TSPEAR: variants seen among roughly 807,000 people sequenced by gnomAD.
TSPEAR encodes the protein thrombospondin type laminin G domain and EAR repeats.
A neutral mutation model predicts 71.6 loss-of-function variants in TSPEAR; 69 were observed. That is an observed-to-expected ratio of 0.96 (90% confidence interval 0.79 to 1.18). TSPEAR has a LOEUF of 1.18. Among genes scored for constraint, TSPEAR ranks in the 50% most tolerant of loss-of-function variants. The probability of loss-of-function intolerance (pLI) is 0.00; values close to 1 mark genes in which losing one functional copy is unlikely to be tolerated. For synonymous variants in TSPEAR, 402 were observed against 387.2 expected, an observed-to-expected ratio of 1.04 and a Z score of -0.45; for missense variants, 971 against 894.9, an observed-to-expected ratio of 1.09 and a Z score of -1.09.
intron 1 of TSPEAR, chr21:44,580,331 G>A (rs587669303): frequency 4.1e-5 from 66 of 1,614,022 alleles, no homozygotes; most frequent in Non-Finnish European, 5.6e-5. Flanking sequence ...CTGCTGGCAG[G>A]GGGAGGAGGC....
In TSPEAR at chr21:44,574,359, A is replaced by T; in HGVS notation, c.83-6354T>A. 7 of 1,603,748 alleles carry T rather than the reference A, an allele frequency of 4.4e-6. No homozygotes were observed. Among genetic ancestry groups the T allele is most frequent in the Non-Finnish European group, 5.9e-6 (7 of 1,177,360 alleles). ...GCCCAGCCCCTGCCAATCAGGCTGC[A>T]TCAGCTCCTGCACGCCCTCGTGCTG... On this transcript the variant is annotated intron_variant, in intron 1 of 11. Coordinates refer to ENST00000323084, the MANE Select transcript of TSPEAR (RefSeq NM_144991.3).
chr21:44,667,483 C>A (rs1316454916), intron 1 of TSPEAR, among the ~76,000 whole-genome samples: 2 of 152,180 alleles, frequency 1.3e-5, no homozygotes, highest in Non-Finnish European at 2.9e-5. Flanking sequence ...GACCATGGAT[C>A]TTTGTCTTGA....
Position 44,702,306 on chromosome 21 carries a change from T to C in TSPEAR, c.82+9127A>G, listed in dbSNP as rs868917509. 37 of 1,609,884 alleles carry C rather than the reference T, an allele frequency of 2.3e-5. No homozygotes were observed. In the African/African-American group the frequency reaches 3.2e-4, roughly 14 times the overall value. On this transcript the variant is annotated intron_variant, in intron 1 of 11. Transcript: ENST00000323084. Reference sequence around the variant, plus strand: ...CCCCCTGCTGCGCCGCCAGCTGCTGTGCCCCGGCCCCCTGCCTGACCCTGG... The same window carrying C: ...CCCCCTGCTGCGCCGCCAGCTGCTGCGCCCCGGCCCCCTGCCTGACCCTGG...
chr21:44,648,708 C>T (rs888113818), intron 1 of TSPEAR, among the ~76,000 whole-genome samples: 1 of 152,186 alleles, frequency 6.6e-6, no homozygotes, highest in African/African-American at 2.4e-5. Flanking sequence ...CCGCAGCCTC[C>T]AGGGCACCAG....
intron 1 of TSPEAR, among the ~76,000 whole-genome samples, chr21:44,673,513 G>A (rs1463921724): frequency 6.6e-6 from 1 of 152,080 alleles, no homozygotes; most frequent in Non-Finnish European, 1.5e-5. Flanking sequence ...AATAGTTGAG[G>A]ACTTCAACAC....
In TSPEAR at chr21:44,499,048, G is replaced by GA. The variant is rs1349136458; in HGVS notation, c.*734dup. 6.6e-6 allele frequency: 1 copy of GA among 152,274 alleles called. No individual in the cohort carries two copies. The highest frequency in any genetic ancestry group is 6.5e-5 in the Admixed American group (1 of 15,284). The allele number at this position is 152,274 out of a possible 1,614,324, so 9.4% of individuals were successfully genotyped here. On this transcript the variant is annotated 3_prime_UTR_variant, in exon 12 of 12. Coordinates refer to ENST00000323084, the MANE Select transcript of TSPEAR (RefSeq NM_144991.3). The stretch of plus-strand genomic sequence containing the variant: ...CAGCCTGAGTCCCAGTCAGCTGGAG[G>GA]ACATGTGATTAAAATGCTGCTGAAT...
intron 9 of TSPEAR, among the ~76,000 whole-genome samples, chr21:44,514,496 G>A (rs1178536237): frequency 6.6e-6 from 1 of 152,208 alleles, no homozygotes; most frequent in Non-Finnish European, 1.5e-5. Context: ...GGCTGCTGCT[G>A]GCCTTGTGAG....
chr21:44,534,692 T>C (rs1439859793), intron 2 of TSPEAR, among the ~76,000 whole-genome samples: 1 of 152,108 alleles, frequency 6.6e-6, no homozygotes, highest in Non-Finnish European at 1.5e-5. Flanking sequence ...TTGGTGGGAA[T>C]GTAAAATGGT....
At chr21:44,551,386 T>C (rs782030252) in intron 2 of TSPEAR, 2 of 1,613,262 alleles carry the variant, frequency 1.2e-6, no homozygotes, top group Admixed American at 3.3e-5. Flanking sequence ...TCACAGCAGC[T>C]CTCTGGGCAG....
intron 1 of TSPEAR, among the ~76,000 whole-genome samples, chr21:44,672,342 G>A (rs56211540): frequency 0.039 from 6,004 of 152,222 alleles, 130 homozygotes; most frequent in Middle Eastern, 0.082. Context: ...AGGCTAAGGC[G>A]GGCGGATCAC....
chr21:44,637,407 C>A (rs200886500), intron 1 of TSPEAR: 1 of 1,596,120 alleles, frequency 6.3e-7, no homozygotes, highest in South Asian at 1.2e-5. Context: ...TCACCGCCTC[C>A]CCACTCCAGC....
intron 5 of TSPEAR, 130 bp downstream of exon 5, chr21:44,529,668 C>CCCCG: frequency 9.5e-7 from 1 of 1,048,408 alleles, no homozygotes; most frequent in Non-Finnish European, 1.4e-6. Context: ...GACCGCTGCC[C>CCCCG]CCCGTAGCAG....
intron 1 of TSPEAR, among the ~76,000 whole-genome samples, chr21:44,628,634 T>C (rs62219767): frequency 0.78 from 117,316 of 150,902 alleles, 46,041 homozygotes; most frequent in African/African-American, 0.89. Context: ...CTCAGGCTAA[T>C]GCCCCACTCA....
chr21:44,529,755 C>T (rs782128043), intron 5 of TSPEAR, 43 bp downstream of exon 5: 16 of 1,609,724 alleles, frequency 9.9e-6, no homozygotes, highest in South Asian at 2.2e-5. Context: ...CCAGGGCTCT[C>T]GCATCTGCCT....
rs587692565 is a variant in TSPEAR at position 44,597,770 on chromosome 21, G to A, written c.83-29765C>T. Among the ~76,000 whole-genome samples the A allele has an allele frequency of 7.2e-5, 11 of 152,162 alleles. No individual in the cohort carries two copies. The East Asian group carries it at 2.1e-3, about 29-fold the overall frequency. The stretch of plus-strand genomic sequence containing the variant: ...ATTCAGGCTCTGTATCTTGTAAGCA[G>A]CATGTAGTTAGGTTTTCTACTTTTT... On this transcript the variant is annotated intron_variant, in intron 1 of 11. Transcript: ENST00000323084.
chr21:44,589,908 G>A (rs1440610313), intron 1 of TSPEAR, among the ~76,000 whole-genome samples: 3 of 152,242 alleles, frequency 2.0e-5, no homozygotes, highest in East Asian at 1.9e-4. Flanking sequence ...CTCGGCCCCT[G>A]CCAGCTACCC....
chr21:44,586,841 C>T (rs1284844695), intron 1 of TSPEAR, among the ~76,000 whole-genome samples: 1 of 152,170 alleles, frequency 6.6e-6, no homozygotes, highest in Non-Finnish European at 1.5e-5. Context: ...AATCCAGCAT[C>T]TCTATGATTA....
rs782577583 is a variant in TSPEAR at position 44,579,873 on chromosome 21, G to T, written c.83-11868C>A. 3.8e-6 allele frequency: 6 copies of T among 1,598,664 alleles called. No homozygotes were observed. In the South Asian group the frequency reaches 6.7e-5, roughly 18 times the overall value. On this transcript the variant is annotated intron_variant, in intron 1 of 11. Transcript: ENST00000323084. ...GCAGGGGCACAGCAGGAGGAGATGG[G>T]CAGGCAGCAGGCGGGCCTGCATATG...
intron 1 of TSPEAR, chr21:44,676,154 G>C (rs1555946857): frequency 9.9e-7 from 1 of 1,006,096 alleles, no homozygotes; most frequent in African/African-American, 1.6e-5. Flanking sequence ...AGGGACTGCA[G>C]GTAGGAGAAG....
Sources: gnomAD v4.1 joint callset for allele counts (sites outside exome capture counted in the v4.1 genomes callset) on GRCh38, gnomAD v4.1.1 for gene constraint, MANE v1.5 for transcripts, NCBI Gene and HGNC (gene_info 2026-07-23, HGNC 2026-07-21) for gene names.